Variants in DLC1 observed in about 807,000 individuals in gnomAD.
The protein encoded by DLC1 is DLC1 Rho GTPase activating protein, also known as rho GTPase-activating protein 7.
DLC1 carries 54 observed loss-of-function variants against 140.3 expected under a neutral mutation model. That is an observed-to-expected ratio of 0.38 (90% confidence interval 0.31 to 0.48). The LOEUF (loss-of-function observed/expected upper bound fraction) is 0.48. DLC1 is among the 20% of genes least tolerant of loss of function. The pLI, the probability that DLC1 is intolerant of heterozygous loss-of-function variation, is 0.96. For missense variants in DLC1, 2,536 were observed against 1,907.0 expected, an observed-to-expected ratio of 1.33 and a Z score of -6.14; for synonymous variants, 986 against 728.1, an observed-to-expected ratio of 1.35 and a Z score of -5.70.
At chr8:13,200,376 A>G (rs565550685) in intron 5 of DLC1, among the ~76,000 whole-genome samples, 15 of 152,012 alleles carry the variant, frequency 9.9e-5, no homozygotes, top group Admixed American at 2.6e-4. Flanking sequence ...ATTTACTATT[A>G]TTATTCTTAT....
At chr8:13,453,040 C>G (rs967781183) in intron 2 of DLC1, among the ~76,000 whole-genome samples, 2 of 151,870 alleles carry the variant, frequency 1.3e-5, no homozygotes, top group African/African-American at 4.8e-5. Flanking sequence ...TCACAAAACC[C>G]TATCAGGCAA....
intron 4 of DLC1, among the ~76,000 whole-genome samples, chr8:13,329,725 A>T (rs531127652): frequency 1.6e-4 from 25 of 152,272 alleles, no homozygotes; most frequent in African/African-American, 6.0e-4. Context: ...TTATATATAC[A>T]TTAGAATGTC....
chr8:13,188,419 CAAAAAAAAAAAAAA>C (rs1178090798), intron 5 of DLC1, among the ~76,000 whole-genome samples: 1 of 58,984 alleles, frequency 1.7e-5, no homozygotes, highest in Admixed American at 2.6e-4. Context: ...GACTCCGTCT[CAAAAAAAAAAAAAA>C]AAAAAAAAGA....
chr8:13,503,531 C>T (rs923649383), intron 1 of DLC1, among the ~76,000 whole-genome samples: 1 of 152,120 alleles, frequency 6.6e-6, no homozygotes, highest in African/African-American at 2.4e-5. Flanking sequence ...AAATAGAAGA[C>T]CACCTTATAA....
intron 5 of DLC1, among the ~76,000 whole-genome samples, chr8:13,211,160 C>A (rs987149266): frequency 6.6e-6 from 1 of 152,198 alleles, no homozygotes; most frequent in African/African-American, 2.4e-5. Context: ...TGGCAACGAC[C>A]TGGAAGTTAC....
At chr8:13,208,532 T>A (rs968539496) in intron 5 of DLC1, among the ~76,000 whole-genome samples, 1 of 152,188 alleles carries the variant, frequency 6.6e-6, no homozygotes, top group Non-Finnish European at 1.5e-5. Context: ...CAATTAGTCT[T>A]CCTTTCTTTG....
chr8:13,438,784 C>T (rs1194025347), intron 2 of DLC1, among the ~76,000 whole-genome samples: 1 of 152,092 alleles, frequency 6.6e-6, no homozygotes, highest in Non-Finnish European at 1.5e-5. Flanking sequence ...CCAAAACAGC[C>T]GCCTCCTTTC....
chr8:13,263,694 A>T (rs1375406887), intron 5 of DLC1, among the ~76,000 whole-genome samples: 2 of 151,472 alleles, frequency 1.3e-5, no homozygotes, highest in Non-Finnish European at 2.9e-5. Context: ...TCTTATTCAT[A>T]CCATTTTTAT....
At chr8:13,457,635 C>G (rs999139577) in intron 2 of DLC1, among the ~76,000 whole-genome samples, 2 of 143,052 alleles carry the variant, frequency 1.4e-5, no homozygotes, top group Admixed American at 1.4e-4. Context: ...CGAGATCGCG[C>G]CACTGCACTC....
chr8:13,112,187 C>T (rs1378532481), intron 6 of DLC1, among the ~76,000 whole-genome samples: 1 of 152,086 alleles, frequency 6.6e-6, no homozygotes, highest in Admixed American at 6.6e-5. Flanking sequence ...TCCCTTTGGC[C>T]TTCAAAATGG....
intron 5 of DLC1, among the ~76,000 whole-genome samples, chr8:13,234,376 T>C (rs1274510652): frequency 2.0e-5 from 3 of 152,150 alleles, no homozygotes; most frequent in Non-Finnish European, 4.4e-5. Flanking sequence ...AAATGCAGGT[T>C]CAGTAAAAAA....
At chr8:13,588,165 G>A (rs1266665464) in intron 1 of DLC1, among the ~76,000 whole-genome samples, 2 of 151,966 alleles carry the variant, frequency 1.3e-5, no homozygotes, top group Non-Finnish European at 2.9e-5. Flanking sequence ...TTGAAGGCCC[G>A]AAATTACATA....
intron 5 of DLC1, among the ~76,000 whole-genome samples, chr8:13,282,962 T>C (rs1831415241): frequency 1.3e-5 from 2 of 152,186 alleles, no homozygotes; most frequent in African/African-American, 4.8e-5. Flanking sequence ...CCATAAAGAA[T>C]GACAGACATT....
chr8:13,594,983 C>A (rs1185557295), intron 1 of DLC1, among the ~76,000 whole-genome samples: 1 of 150,278 alleles, frequency 6.7e-6, no homozygotes, highest in East Asian at 2.0e-4. Flanking sequence ...TTGTGAATTT[C>A]TATATATTTC....
In DLC1 at chr8:13,499,580, C is replaced by T. The variant is rs1801689742; in HGVS notation, c.492G>A (p.Trp164Ter). 6.2e-7 allele frequency: 1 copy of T among 1,613,996 alleles called. No individual in the cohort carries two copies. The highest frequency in any genetic ancestry group is 1.3e-5 in the African/African-American group (1 of 74,894). The change falls in exon 2 of 18, where the codon TGG (tryptophan) becomes TGA (stop). Residue 164 changes from tryptophan (W) to a stop codon, truncating the protein, a stop_gained. Transcript: ENST00000276297. LOFTEE classifies it high-confidence loss of function. ...IQSNQVSSNS[W>*]GIAGETELAL... is the part of the protein sequence containing the mutation. Reference sequence around the variant, plus strand: ...CTAATTCAGTTTCACCAGCTATTCCCCAGGAGTTAGAAGAAACTTGGTTAC... The same window carrying T: ...CTAATTCAGTTTCACCAGCTATTCCTCAGGAGTTAGAAGAAACTTGGTTAC...
At chr8:13,550,588 T>C (rs758010294) in intron 1 of DLC1, among the ~76,000 whole-genome samples, 17 of 152,100 alleles carry the variant, frequency 1.1e-4, no homozygotes, top group Non-Finnish European at 1.9e-4. Context: ...GCAGGAGCAT[T>C]TTGTATAAGT....
At chr8:13,417,191 T>A (rs985922831) in intron 2 of DLC1, among the ~76,000 whole-genome samples, 6 of 152,092 alleles carry the variant, frequency 3.9e-5, no homozygotes, top group African/African-American at 1.4e-4. Flanking sequence ...TGGGCACCTA[T>A]GAGTACCTAC....
At chr8:13,536,654 G>T (rs1174558684) in intron 1 of DLC1, among the ~76,000 whole-genome samples, 2 of 152,108 alleles carry the variant, frequency 1.3e-5, no homozygotes, top group Non-Finnish European at 2.9e-5. Flanking sequence ...CTTTCCCCCT[G>T]GTCAAAGGCT....
rs146861388 is a variant in DLC1, at chr8:13,127,484, C to A, written c.1349-11827G>T. On this transcript the variant is annotated intron_variant, in intron 5 of 17. Transcript: ENST00000276297. ...CATAAAATGCCCTTTCTGTGCTATA[C>A]AATTTGAAAAAGAGAACTGTATGGA... Among the ~76,000 whole-genome samples the A allele has an allele frequency of 2.0e-4, 30 of 152,300 alleles. 2 individuals carry two copies. The East Asian group carries it at 5.6e-3, about 28-fold the overall frequency.
Sources: gnomAD v4.1 joint callset for allele counts (sites outside exome capture counted in the v4.1 genomes callset) on GRCh38, gnomAD v4.1.1 for gene constraint, MANE v1.5 for transcripts, NCBI Gene and HGNC (gene_info 2026-07-23, HGNC 2026-07-21) for gene names.